The following SDK1 variants were observed in gnomAD, a reference collection of about 807,000 sequenced individuals.
SDK1 encodes protein sidekick-1.
SDK1 carries 157 observed loss-of-function variants against 245.5 expected under a neutral mutation model. The ratio of observed to expected loss-of-function variants is 0.64; its 90% confidence interval spans 0.56 to 0.73. The LOEUF (loss-of-function observed/expected upper bound fraction) is 0.73, where lower values mean the gene tolerates loss of function less well. Ranked by LOEUF, SDK1 falls within the 30% of genes least tolerant of loss-of-function variation. The pLI is 0.00. For missense variants in SDK1, 3,583 were observed against 3,002.3 expected, an observed-to-expected ratio of 1.19 and a Z score of -4.52; for synonymous variants, 1,647 against 1,278.5, an observed-to-expected ratio of 1.29 and a Z score of -6.15.
intron 4 of SDK1, among the ~76,000 whole-genome samples, chr7:3,659,206 G>A (rs1783280556): frequency 6.6e-6 from 1 of 151,996 alleles, no homozygotes; most frequent in Admixed American, 6.6e-5. Flanking sequence ...CGTTCTGTGG[G>A]GGTAAAGAAG....
intron 1 of SDK1, among the ~76,000 whole-genome samples, chr7:3,380,258 A>G (rs989721626): frequency 6.6e-6 from 1 of 152,230 alleles, no homozygotes; most frequent in African/African-American, 2.4e-5. Flanking sequence ...CTTACTGGAA[A>G]TGGCCTGTGA....
intron 35 of SDK1, among the ~76,000 whole-genome samples, chr7:4,189,702 A>G (rs1156798390): frequency 2.0e-5 from 3 of 152,206 alleles, no homozygotes; most frequent in Non-Finnish European, 1.5e-5. Context: ...TTAGCTGGAT[A>G]TCGCTTGAAC....
intron 22 of SDK1, among the ~76,000 whole-genome samples, chr7:4,109,715 C>A (rs940004329): frequency 6.6e-6 from 1 of 152,188 alleles, no homozygotes; most frequent in African/African-American, 2.4e-5. Flanking sequence ...CCCTAGCTGG[C>A]GCAGCTTGTG....
chr7:4,117,103 AAT>A (rs1284071034), intron 25 of SDK1, among the ~76,000 whole-genome samples: 1 of 152,260 alleles, frequency 6.6e-6, no homozygotes, highest in African/African-American at 2.4e-5. Flanking sequence ...AGGCCAAGAA[AAT>A]AGTTTTTCAG....
intron 1 of SDK1, among the ~76,000 whole-genome samples, chr7:3,431,882 C>T (rs919867315): frequency 5.3e-5 from 8 of 151,612 alleles, no homozygotes; most frequent in Admixed American, 2.6e-4. Flanking sequence ...TTTTAAATGG[C>T]TGAAGCCTGC....
intron 1 of SDK1, among the ~76,000 whole-genome samples, chr7:3,614,358 C>T (rs769874792): frequency 3.3e-5 from 5 of 152,240 alleles, no homozygotes; most frequent in East Asian, 3.9e-4. Context: ...GTATTCCTAA[C>T]GTCTGCTCAT....
chr7:3,367,705 T>C (rs1430870142), intron 1 of SDK1, among the ~76,000 whole-genome samples: 1 of 152,250 alleles, frequency 6.6e-6, no homozygotes, highest in Non-Finnish European at 1.5e-5. Context: ...CCTATTTAAC[T>C]GTCTGCTTCC....
chr7:3,894,872 T>C (rs796623310), intron 5 of SDK1, among the ~76,000 whole-genome samples: 15 of 151,840 alleles, frequency 9.9e-5, no homozygotes, highest in African/African-American at 2.9e-4. Flanking sequence ...TTGTGTCTTT[T>C]AGTAGAGAAG....
At chr7:3,338,377 C>T in intron 1 of SDK1, 1 of 524,088 alleles carries the variant, frequency 1.9e-6, no homozygotes, top group Non-Finnish European at 3.6e-6. Flanking sequence ...ACGACTCTTG[C>T]CAAGAGAACT....
At chr7:3,566,050 A>C (rs552891929) in intron 1 of SDK1, among the ~76,000 whole-genome samples, 1 of 152,302 alleles carries the variant, frequency 6.6e-6, no homozygotes, top group South Asian at 2.1e-4. Flanking sequence ...AGAATGTATA[A>C]AAATCTCTTC....
At chr7:3,334,269 T>G (rs923792209) in intron 1 of SDK1, among the ~76,000 whole-genome samples, 5 of 152,196 alleles carry the variant, frequency 3.3e-5, no homozygotes, top group African/African-American at 1.2e-4. Context: ...TGTAGTCCTT[T>G]CACCTTTCCT....
rs1224339970 is a variant in SDK1 at position 4,265,204 on chromosome 7, C to T, written c.6462C>T (p.Asn2154=). The T allele has an allele frequency of 3.7e-6, 6 of 1,611,556 alleles. No individual in the cohort carries two copies. The highest frequency in any genetic ancestry group is 2.2e-5 in the East Asian group (1 of 44,854). The part of the protein sequence containing the change: ...NHYMSDPTYY[N]SWKRRAQGRA... ...ACATGAGCGACCCCACCTACTACAA[C>T]TCATGGAAGCGCAGGGCCCAGGGCC... Residue 2154 remains asparagine, a synonymous_variant, in exon 45 of 45, where the codon AAC becomes AAT. Transcript: ENST00000404826.
At chr7:4,002,651 T>C (rs1358923348) in intron 14 of SDK1, among the ~76,000 whole-genome samples, 19 of 152,200 alleles carry the variant, frequency 1.2e-4, no homozygotes, top group South Asian at 2.1e-4. Context: ...GTATAAATAA[T>C]GTACATACAC....
rs10485863 is a variant in SDK1, at chr7:3,959,079, A to G, written c.1234+65A>G. ...GGAGGAAGGGAAACAACCTTTTTCC[A>G]TAGCAGAATTGCCATCATTCTAGGG... On this transcript the variant is annotated intron_variant, in intron 8 of 44. Transcript: ENST00000404826. 6,455 of 1,212,822 alleles carry G rather than the reference A, an allele frequency of 5.3e-3. 416 individuals carry two copies. The Admixed American group carries it at 0.1, about 19-fold the overall frequency. The allele number at this position is 1,212,822 out of a possible 1,614,324, so 75.1% of individuals were successfully genotyped here.
At chr7:3,657,448 T>G (rs989794620) in intron 4 of SDK1, among the ~76,000 whole-genome samples, 2 of 152,072 alleles carry the variant, frequency 1.3e-5, no homozygotes, top group Admixed American at 6.5e-5. Flanking sequence ...GTCTGGAAAT[T>G]CAGGGTCCTA....
At chr7:3,307,143 C>T (rs531841780) in intron 1 of SDK1, among the ~76,000 whole-genome samples, 25 of 152,144 alleles carry the variant, frequency 1.6e-4, no homozygotes, top group African/African-American at 2.7e-4. Flanking sequence ...CCAAAGTAAC[C>T]GAGCATTTTA....
chr7:3,453,046 C>T (rs1562494997), intron 1 of SDK1, among the ~76,000 whole-genome samples: 1 of 152,188 alleles, frequency 6.6e-6, no homozygotes, highest in Non-Finnish European at 1.5e-5. Context: ...CAGCTCTGTC[C>T]TGCTACCACG....
intron 14 of SDK1, among the ~76,000 whole-genome samples, chr7:3,993,160 G>A (rs1040936175): frequency 1.3e-5 from 2 of 152,034 alleles, no homozygotes; most frequent in African/African-American, 4.8e-5. Context: ...CACAGTGTTA[G>A]AAATGGAGAT....
chr7:4,179,221 C>G (rs1427913430), intron 35 of SDK1: 1 of 152,362 alleles, frequency 6.6e-6, no homozygotes, highest in African/African-American at 2.4e-5. Flanking sequence ...ACCTCACCCT[C>G]CTCGCTGGCT....
Sources: allele counts gnomAD v4.1 joint callset (sites outside exome capture counted in the v4.1 genomes callset), GRCh38; gene constraint gnomAD v4.1.1; transcripts MANE v1.5; gene names NCBI Gene and HGNC (gene_info 2026-07-23, HGNC 2026-07-21).